The following RBM47 variants were observed in gnomAD, a reference collection of about 807,000 sequenced individuals.
The protein encoded by RBM47 is RNA-binding protein 47.
Under a neutral mutation model 47.1 loss-of-function variants are expected in RBM47, and 21 were observed. The ratio of observed to expected loss-of-function variants is 0.45; its 90% CI spans 0.32 to 0.64. RBM47 has a LOEUF of 0.64. RBM47 is among the 30% of genes least tolerant of loss of function. The pLI, the probability that RBM47 is intolerant of heterozygous loss-of-function variation, is 0.05. For missense variants in RBM47, 708 were observed against 870.9 expected, an observed-to-expected ratio of 0.81 and a Z score of 2.35; for synonymous variants, 375 against 361.7, an observed-to-expected ratio of 1.04 and a Z score of -0.42.
chr4:40,437,724 A>G, intron 4 of RBM47, 47 bp downstream of exon 4: 1 of 1,516,394 alleles, frequency 6.6e-7, no homozygotes, highest in African/African-American at 1.4e-5. Context: ...CCTGCCTAGG[A>G]GGCAACGTTC....
chr4:40,605,304 C>G (rs1052592842), intron 1 of RBM47, among the ~76,000 whole-genome samples: 1 of 151,942 alleles, frequency 6.6e-6, no homozygotes, highest in Non-Finnish European at 1.5e-5. Context: ...GGATTACAGG[C>G]GTGAACCACT....
At chr4:40,507,084 G>A (rs1162028244) in intron 2 of RBM47, among the ~76,000 whole-genome samples, 3 of 152,074 alleles carry the variant, frequency 2.0e-5, no homozygotes, top group Non-Finnish European at 4.4e-5. Flanking sequence ...AGCCTCCCGA[G>A]TAGCTGGGAT....
chr4:40,475,935 C>T (rs1057249588), intron 2 of RBM47, among the ~76,000 whole-genome samples: 1 of 152,180 alleles, frequency 6.6e-6, no homozygotes, highest in African/African-American at 2.4e-5. Context: ...AAAGATAATG[C>T]TCAACAGCAA....
chr4:40,630,289 C>T (rs1738113352), upstream of RBM47: 1 of 152,488 alleles, frequency 6.6e-6, no homozygotes, highest in African/African-American at 2.4e-5. Flanking sequence ...CTCCGAGAAA[C>T]CCAGCCAGAA....
chr4:40,426,538 T>TA (rs952772894), intron 6 of RBM47, among the ~76,000 whole-genome samples: 31 of 152,218 alleles, frequency 2.0e-4, no homozygotes, highest in African/African-American at 6.5e-4. Context: ...CTGTATACTG[T>TA]AAAAAAATTT....
intron 1 of RBM47, among the ~76,000 whole-genome samples, chr4:40,581,220 G>A (rs750138119): frequency 6.6e-6 from 1 of 151,992 alleles, no homozygotes; most frequent in African/African-American, 2.4e-5. Flanking sequence ...CCAGGAGTTC[G>A]AGACCAGCCT....
At chr4:40,517,624 C>T (rs758582278) in intron 2 of RBM47, among the ~76,000 whole-genome samples, 38 of 152,146 alleles carry the variant, frequency 2.5e-4, no homozygotes, top group Non-Finnish European at 4.9e-4. Context: ...TCTGTGGGTT[C>T]CGCATCCCTG....
At chr4:40,602,754 A>AT (rs1735401515) in intron 1 of RBM47, among the ~76,000 whole-genome samples, 2 of 151,064 alleles carry the variant, frequency 1.3e-5, no homozygotes, top group East Asian at 1.9e-4. Flanking sequence ...TTCTCTGTTT[A>AT]TTTTTTTATT....
chr4:40,474,347 C>T (rs947994063), intron 2 of RBM47, among the ~76,000 whole-genome samples: 1 of 152,146 alleles, frequency 6.6e-6, no homozygotes, highest in African/African-American at 2.4e-5. Context: ...GACTGTTGGT[C>T]GCCCCCCACA....
At chr4:40,556,721 CTCTAT>C (rs1439446278) in intron 1 of RBM47, among the ~76,000 whole-genome samples, 1 of 151,730 alleles carries the variant, frequency 6.6e-6, no homozygotes, top group Non-Finnish European at 1.5e-5. Context: ...GAAATCTTGT[CTCTAT>C]AAAAAATAAA....
chr4:40,424,980 CA>C lies in RBM47; in HGVS notation c.*923del, dbSNP rs3832277. The C allele has an allele frequency of 0.65, 95,705 of 148,220 alleles. 31,866 individuals carry two copies. The highest frequency in any genetic ancestry group is 0.83 in the African/African-American group (33,669 of 40,644). 9.2% of individuals were successfully genotyped at this position (148,220 alleles called of 1,614,324 possible). A position where few individuals can be genotyped will look rare whatever the true frequency, so the allele number is the denominator to read the frequency against. On this transcript the variant is annotated 3_prime_UTR_variant, in exon 7 of 7. Coordinates refer to ENST00000295971, the MANE Select transcript of RBM47 (RefSeq NM_001098634.2). ...AGAAGACAATACTTCCCCAACCAAA[CA>C]AAAAAAAAAACAAAAAACAACGAAA...
chr4:40,566,573 A>C (rs1297129602), intron 1 of RBM47, among the ~76,000 whole-genome samples: 1 of 151,996 alleles, frequency 6.6e-6, no homozygotes, highest in Non-Finnish European at 1.5e-5. Flanking sequence ...TGAATCTGGG[A>C]GGCAGAGGTT....
rs1737911650 is a variant in RBM47, at chr4:40,628,175, T to C, written c.-240+1221A>G. Among the ~76,000 whole-genome samples, 1 of 152,106 alleles carries C rather than the reference T, an allele frequency of 6.6e-6. No individual in the cohort carries two copies. Among genetic ancestry groups the C allele is most frequent in the Admixed American group, 6.6e-5 (1 of 15,264 alleles). On this transcript the variant is annotated intron_variant, in intron 1 of 6. Transcript: ENST00000295971. The surrounding 1 kb of genome is among the most constrained non-coding windows in gnomAD (Gnocchi z 4.0). ...ATAATTAAGTCAAAGAGGCCAACAG[T>C]GTGTATATCAGAACAAGGTGAAGGG...
rs1208247935 is a variant in RBM47, at chr4:40,629,849, G to C, written c.-693C>G. 1.3e-5 allele frequency: 2 copies of C among 152,180 alleles called. No individual in the cohort carries two copies. The highest frequency in any genetic ancestry group is 3.9e-4 in the East Asian group (2 of 5,182). The allele number at this position is 152,180 out of a possible 1,614,324, so 9.4% of individuals were successfully genotyped here. A position where few individuals can be genotyped will look rare whatever the true frequency, so the allele number is the denominator to read the frequency against. On this transcript the variant is annotated 5_prime_UTR_variant, in exon 1 of 7. Coordinates refer to ENST00000295971, the MANE Select transcript of RBM47 (RefSeq NM_001098634.2). ...TGCGTGGGGCGCTGCGCACGGGAGC[G>C]CTCAGCGTCTAGTCTGCGGGCCCTT...
intron 3 of RBM47, among the ~76,000 whole-genome samples, chr4:40,456,619 G>A (rs1716306412): frequency 7.6e-6 from 1 of 132,310 alleles, no homozygotes; most frequent in South Asian, 2.4e-4. Flanking sequence ...AGGCTGGGGT[G>A]CAGTGGCATG....
chr4:40,498,509 C>T (rs954840375), intron 2 of RBM47, among the ~76,000 whole-genome samples: 1 of 151,778 alleles, frequency 6.6e-6, no homozygotes, highest in Admixed American at 6.6e-5. Context: ...GGAAACCCGT[C>T]TCTACTAAAA....
intron 1 of RBM47, among the ~76,000 whole-genome samples, chr4:40,611,577 A>T (rs1191493334): frequency 1.3e-5 from 2 of 152,180 alleles, no homozygotes; most frequent in African/African-American, 4.8e-5. Flanking sequence ...AAAAAAAAAA[A>T]AATTAGCTGG....
intron 1 of RBM47, among the ~76,000 whole-genome samples, chr4:40,618,872 G>C (rs566991912): frequency 9.6e-4 from 141 of 147,158 alleles, no homozygotes; most frequent in Non-Finnish European, 1.8e-3. Context: ...GTTTGAACAG[G>C]AATCTCAGTA....
intron 1 of RBM47, among the ~76,000 whole-genome samples, chr4:40,586,575 G>C (rs934976079): frequency 6.7e-6 from 1 of 150,138 alleles, no homozygotes; most frequent in Admixed American, 6.7e-5. Context: ...TGCATATTCC[G>C]TTCTGGGTTA....
Sources: gnomAD v4.1 joint callset for allele counts (sites outside exome capture counted in the v4.1 genomes callset) on GRCh38, gnomAD v4.1.1 for gene constraint, Gnocchi (gnomAD v3.1) non-coding constraint, MANE v1.5 for transcripts, NCBI Gene and HGNC (gene_info 2026-07-23, HGNC 2026-07-21) for gene names.